TACR1: variants seen among roughly 807,000 people sequenced by gnomAD.
The protein encoded by TACR1 is tachykinin receptor 1.
TACR1 carries 25 observed loss-of-function variants against 35.8 expected under a neutral mutation model. The observed-to-expected ratio is 0.70, with a 90% confidence interval of 0.51 to 0.98. The LOEUF (loss-of-function observed/expected upper bound fraction) is 0.98, where lower values mean the gene tolerates loss of function less well. TACR1 is among the 50% of genes least tolerant of loss of function. The pLI, the probability that TACR1 is intolerant of heterozygous loss-of-function variation, is 0.00. For synonymous variants in TACR1, 195 were observed against 206.7 expected (o/e 0.94, Z 0.48); for missense variants, 478 against 522.9 (o/e 0.91, Z 0.84).
chr2:75,152,910 T>C (rs1470410123), intron 1 of TACR1, among the ~76,000 whole-genome samples: 1 of 152,196 alleles, frequency 6.6e-6, no homozygotes, highest in African/African-American at 2.4e-5. Context: ...GTTTGTTTGT[T>C]TGGTATTTTG....
At chr2:75,118,574 A>G (rs1306695911) in intron 2 of TACR1, among the ~76,000 whole-genome samples, 1 of 152,214 alleles carries the variant, frequency 6.6e-6, no homozygotes, top group African/African-American at 2.4e-5. Flanking sequence ...AATGTTCAAA[A>G]TTAAGACTCC....
intron 2 of TACR1, among the ~76,000 whole-genome samples, chr2:75,098,921 T>C (rs545368545): frequency 3.3e-5 from 5 of 152,082 alleles, no homozygotes; most frequent in Admixed American, 1.3e-4. Flanking sequence ...GCTTTTTTTT[T>C]TTTTCTTTTC....
intron 1 of TACR1, among the ~76,000 whole-genome samples, chr2:75,177,899 C>G (rs544368061): frequency 6.6e-6 from 1 of 152,170 alleles, no homozygotes; most frequent in Non-Finnish European, 1.5e-5. Context: ...CACAACATGA[C>G]GATTTCACTT....
intron 2 of TACR1, among the ~76,000 whole-genome samples, chr2:75,080,350 A>G (rs1215542538): frequency 6.6e-6 from 1 of 152,212 alleles, no homozygotes; most frequent in Admixed American, 6.5e-5. Flanking sequence ...ACACACATGC[A>G]GGCATACACA....
At chr2:75,049,961 G>T (rs11899383) in intron 4 of TACR1, among the ~76,000 whole-genome samples, 2,800 of 152,238 alleles carry the variant, frequency 0.018, 84 homozygotes, top group African/African-American at 0.064. Context: ...TGTGAAATAC[G>T]TCTTTACTGG....
At chr2:75,137,728 CAAAAAAAAAAAA>C (rs11326632) in intron 1 of TACR1, among the ~76,000 whole-genome samples, 2 of 47,516 alleles carry the variant, frequency 4.2e-5, no homozygotes, top group Non-Finnish European at 7.0e-5. Flanking sequence ...GTCTCCGTCT[CAAAAAAAAAAAA>C]AAAAAAAAAA....
intron 1 of TACR1, among the ~76,000 whole-genome samples, chr2:75,146,465 G>T (rs557819796): frequency 6.6e-6 from 1 of 152,278 alleles, no homozygotes; most frequent in South Asian, 2.1e-4. Context: ...CAAAAGGTAG[G>T]GAGTAGCCCA....
At position 75,046,567 on chromosome 2, in the gene TACR1, C is replaced by T. The variant is rs2103771119; in HGVS notation, c.*2865G>A. The T allele has an allele frequency of 6.6e-6, 1 of 152,298 alleles. No individual in the cohort carries two copies. The highest frequency in any genetic ancestry group is 1.9e-4 in the East Asian group (1 of 5,174). 9.4% of individuals were successfully genotyped at this position (152,298 alleles called of 1,614,324 possible). ...GCCCCTCTCCACTTATACTCCTCTCCTCACAAATCAGGCCAATGAGGTCAG... is the reference window on the plus strand; with the variant it reads ...GCCCCTCTCCACTTATACTCCTCTCTTCACAAATCAGGCCAATGAGGTCAG... On this transcript the variant is annotated 3_prime_UTR_variant, in exon 5 of 5. Coordinates refer to ENST00000305249, the MANE Select transcript of TACR1 (RefSeq NM_001058.4).
chr2:75,066,050 C>A (rs749799635), intron 2 of TACR1, among the ~76,000 whole-genome samples: 3 of 152,166 alleles, frequency 2.0e-5, no homozygotes, highest in African/African-American at 7.2e-5. Flanking sequence ...GGCCAGGAAC[C>A]TTTTCTTCTG....
intron 2 of TACR1, among the ~76,000 whole-genome samples, chr2:75,077,237 T>C (rs1672998753): frequency 1.3e-5 from 2 of 152,198 alleles, no homozygotes; most frequent in African/African-American, 4.8e-5. Flanking sequence ...CCCAAAGTGC[T>C]GGGATTACAG....
intron 1 of TACR1, among the ~76,000 whole-genome samples, chr2:75,126,189 T>G (rs1478587301): frequency 6.6e-6 from 1 of 152,196 alleles, no homozygotes; most frequent in African/African-American, 2.4e-5. Context: ...TTTCTGTTCC[T>G]GTGTTAGTTT....
chr2:75,109,530 C>G (rs1673711427), intron 2 of TACR1, among the ~76,000 whole-genome samples: 1 of 152,156 alleles, frequency 6.6e-6, no homozygotes. Context: ...GTAAATGTCT[C>G]TTTGTGAGAT....
At chr2:75,174,867 C>T (rs924338504) in intron 1 of TACR1, among the ~76,000 whole-genome samples, 51 of 152,274 alleles carry the variant, frequency 3.3e-4, no homozygotes, top group African/African-American at 1.1e-3. Context: ...ACTTCTATTA[C>T]CAAAGAGAGA....
chr2:75,183,817 G>A (rs1675618609), intron 1 of TACR1, among the ~76,000 whole-genome samples: 1 of 152,154 alleles, frequency 6.6e-6, no homozygotes, highest in African/African-American at 2.4e-5. Flanking sequence ...TGTCAATAAC[G>A]TATTGTGTTA....
At chr2:75,093,757 T>C (rs1256781610) in intron 2 of TACR1, among the ~76,000 whole-genome samples, 1 of 152,156 alleles carries the variant, frequency 6.6e-6, no homozygotes, top group African/African-American at 2.4e-5. Flanking sequence ...ATTATTCTTA[T>C]TAAGCATAAG....
intron 2 of TACR1, among the ~76,000 whole-genome samples, chr2:75,112,129 A>G (rs1572936944): frequency 6.6e-6 from 1 of 152,018 alleles, no homozygotes; most frequent in Admixed American, 6.6e-5. Context: ...CAAATTTGAC[A>G]TGCTATCTTT....
At chr2:75,169,274 G>A (rs932872797) in intron 1 of TACR1, among the ~76,000 whole-genome samples, 1 of 151,840 alleles carries the variant, frequency 6.6e-6, no homozygotes, top group Non-Finnish European at 1.5e-5. Flanking sequence ...TTCCTCCTTT[G>A]AGTCCTCAAT....
At chr2:75,174,140 C>T (rs1375057574) in intron 1 of TACR1, among the ~76,000 whole-genome samples, 1 of 152,200 alleles carries the variant, frequency 6.6e-6, no homozygotes, top group Admixed American at 6.5e-5. Flanking sequence ...TATGATACCC[C>T]AAATCCCCCA....
At chr2:75,148,454 C>A (rs1157111431) in intron 1 of TACR1, among the ~76,000 whole-genome samples, 1 of 152,188 alleles carries the variant, frequency 6.6e-6, no homozygotes, top group Non-Finnish European at 1.5e-5. Flanking sequence ...TTTTGATTTG[C>A]ATTTCTCTAA....
Sources: gnomAD v4.1 joint callset for allele counts (sites outside exome capture counted in the v4.1 genomes callset) on GRCh38, gnomAD v4.1.1 for gene constraint, MANE v1.5 for transcripts, NCBI Gene and HGNC (gene_info 2026-07-23, HGNC 2026-07-21) for gene names.